Variants in XKR4 observed in about 807,000 individuals in gnomAD.
XKR4 encodes XK related 4, also known as XK-related protein 4.
XKR4 carries 12 observed loss-of-function variants against 53.9 expected under a neutral mutation model. That is an observed-to-expected ratio of 0.22 (90% confidence interval 0.14 to 0.36). XKR4 has a LOEUF of 0.36. Among genes scored for constraint, XKR4 ranks in the 10% least tolerant of loss-of-function variants. XKR4 has a pLI of 1.00. For synonymous variants in XKR4, 354 were observed against 362.4 expected (o/e 0.98, Z 0.26); for missense variants, 799 against 859.5 (o/e 0.93, Z 0.88).
chr8:55,490,316 G>C (rs1806253227), intron 2 of XKR4, among the ~76,000 whole-genome samples: 1 of 152,152 alleles, frequency 6.6e-6, no homozygotes, highest in Non-Finnish European at 1.5e-5. Flanking sequence ...ATTATCCTAA[G>C]TGAATTACCA....
intron 2 of XKR4, chr8:55,449,608 G>A (rs1805398114): frequency 2.6e-6 from 3 of 1,146,768 alleles, no homozygotes; most frequent in Non-Finnish European, 4.0e-6. Context: ...TTGTCTTCAC[G>A]TCAAAGAAGG....
chr8:55,244,431 T>C (rs1030283360), intron 1 of XKR4, among the ~76,000 whole-genome samples: 13 of 152,260 alleles, frequency 8.5e-5, no homozygotes, highest in African/African-American at 3.1e-4. Context: ...CATTCCATGG[T>C]GTATATGTAC....
chr8:55,354,524 A>C (rs142625514), intron 1 of XKR4, among the ~76,000 whole-genome samples: 1 of 152,336 alleles, frequency 6.6e-6, no homozygotes, highest in Non-Finnish European at 1.5e-5. Context: ...TCTGTTTACC[A>C]CTTCATGAGA....
chr8:55,296,492 C>G (rs950045766), intron 1 of XKR4, among the ~76,000 whole-genome samples: 7 of 152,214 alleles, frequency 4.6e-5, no homozygotes, highest in Non-Finnish European at 8.8e-5. Context: ...TTTTCAAAAG[C>G]CTTTTGCACC....
chr8:55,425,701 A>T (rs1025773126), intron 2 of XKR4, among the ~76,000 whole-genome samples: 5 of 152,254 alleles, frequency 3.3e-5, no homozygotes, highest in African/African-American at 9.6e-5. Flanking sequence ...AGCTCACTGC[A>T]TTCAAACCCT....
chr8:55,499,543 T>A (rs12541454), intron 2 of XKR4, among the ~76,000 whole-genome samples: 7,986 of 152,202 alleles, frequency 0.052, 602 homozygotes, highest in East Asian at 0.28. Context: ...TGAAAAGTGT[T>A]CCAGAAGTGT....
Position 55,529,319 on chromosome 8 carries a change from C to T in XKR4, c.*5092C>T, listed in dbSNP as rs780119904. The T allele has an allele frequency of 6.6e-6, 1 of 151,998 alleles. No individual in the cohort carries two copies. The highest frequency in any genetic ancestry group is 1.5e-5 in the Non-Finnish European group (1 of 68,000). 9.4% of individuals were successfully genotyped at this position (151,998 alleles called of 1,614,324 possible). A position where few individuals can be genotyped will look rare whatever the true frequency, so the allele number is the denominator to read the frequency against. On this transcript the variant is annotated 3_prime_UTR_variant, in exon 3 of 3. Transcript: ENST00000327381. ...ACCTTGAGGCCTATATTCTGCTAAACAAGAGATGACTTAATGTCCTTGAAA... is the reference window on the plus strand; with the variant it reads ...ACCTTGAGGCCTATATTCTGCTAAATAAGAGATGACTTAATGTCCTTGAAA...
chr8:55,481,655 G>A (rs1011441076), intron 2 of XKR4, among the ~76,000 whole-genome samples: 1 of 151,814 alleles, frequency 6.6e-6, no homozygotes, highest in Non-Finnish European at 1.5e-5. Context: ...ATCTGACAAA[G>A]GGCTAATATC....
At chr8:55,357,609 C>T in intron 1 of XKR4, 69 bp from the exon 2 acceptor site, 1 of 1,554,322 alleles carries the variant, frequency 6.4e-7, no homozygotes, top group East Asian at 2.3e-5. Context: ...CAGAAAAGAA[C>T]AACCCTGGAG....
chr8:55,198,847 C>A (rs1253447007), intron 1 of XKR4, among the ~76,000 whole-genome samples: 1 of 152,166 alleles, frequency 6.6e-6, no homozygotes, highest in African/African-American at 2.4e-5. Context: ...TGACCCCCCA[C>A]TTTGTTATAG....
intron 1 of XKR4, among the ~76,000 whole-genome samples, chr8:55,244,690 A>G (rs929645468): frequency 6.6e-6 from 1 of 152,188 alleles, no homozygotes; most frequent in African/African-American, 2.4e-5. Flanking sequence ...AGCAGTGTAT[A>G]AGCATTCCCT....
chr8:55,252,516 C>T (rs190522952), intron 1 of XKR4, among the ~76,000 whole-genome samples: 3 of 152,226 alleles, frequency 2.0e-5, no homozygotes, highest in Admixed American at 2.0e-4. Flanking sequence ...CACAAGACGC[C>T]GCCCGACCTT....
At chr8:55,335,388 G>A (rs1397433217) in intron 1 of XKR4, among the ~76,000 whole-genome samples, 1 of 151,954 alleles carries the variant, frequency 6.6e-6, no homozygotes, top group Non-Finnish European at 1.5e-5. Flanking sequence ...CATACACATG[G>A]CAATATCTAT....
intron 1 of XKR4, among the ~76,000 whole-genome samples, chr8:55,345,407 C>T (rs1199384304): frequency 6.6e-6 from 1 of 152,150 alleles, no homozygotes; most frequent in Admixed American, 6.5e-5. Context: ...GCTTACAATG[C>T]CATACGCCAT....
At chr8:55,269,577 G>T (rs1818658342) in intron 1 of XKR4, among the ~76,000 whole-genome samples, 1 of 152,172 alleles carries the variant, frequency 6.6e-6, no homozygotes, top group Non-Finnish European at 1.5e-5. Context: ...AGTGGAGAAA[G>T]AATGAAGGGA....
At position 55,406,384 on chromosome 8, in the gene XKR4, C is replaced by A. The variant is rs1015164827; in HGVS notation, c.1006+48507C>A. 3.3e-5 allele frequency among the ~76,000 whole-genome samples: 5 copies of A among 152,314 alleles called. No individual in the cohort carries two copies. In the South Asian group the frequency reaches 1.0e-3, roughly 32 times the overall value. On this transcript the variant is annotated intron_variant, in intron 2 of 2. Transcript: ENST00000327381. Reference sequence around the variant, plus strand: ...CACTCAAAGCACCTTATTCAATCCTCGCATCACCTCTATGAGGTAGATGCT... The same window carrying A: ...CACTCAAAGCACCTTATTCAATCCTAGCATCACCTCTATGAGGTAGATGCT...
chr8:55,423,793 C>A (rs1804971179), intron 2 of XKR4, among the ~76,000 whole-genome samples: 1 of 152,224 alleles, frequency 6.6e-6, no homozygotes. Flanking sequence ...GTAGTAAGTG[C>A]TTTCTATTGC....
At chr8:55,109,397 T>C (rs1252333256) in intron 1 of XKR4, among the ~76,000 whole-genome samples, 1 of 152,194 alleles carries the variant, frequency 6.6e-6, no homozygotes, top group Non-Finnish European at 1.5e-5. Flanking sequence ...AACACTATAA[T>C]TGTGCCACTT....
chr8:55,485,888 A>G (rs1806182903), intron 2 of XKR4, among the ~76,000 whole-genome samples: 1 of 152,164 alleles, frequency 6.6e-6, no homozygotes, highest in Non-Finnish European at 1.5e-5. Context: ...AAAAGACTCA[A>G]TCTGAATGCC....
Sources: gnomAD v4.1 joint callset for allele counts (sites outside exome capture counted in the v4.1 genomes callset) on GRCh38, gnomAD v4.1.1 for gene constraint, MANE v1.5 for transcripts, NCBI Gene and HGNC (gene_info 2026-07-23, HGNC 2026-07-21) for gene names.